Variants in ABCB5 observed in about 807,000 individuals in gnomAD.
ABCB5 encodes the protein ATP-binding cassette sub-family B member 5.
In ABCB5, 155 loss-of-function variants were observed where a neutral mutation model predicts 144.2. The ratio of observed to expected loss-of-function variants is 1.08; its 90% CI spans 0.94 to 1.23. The LOEUF (loss-of-function observed/expected upper bound fraction) is 1.23. Among genes scored for constraint, ABCB5 ranks in the 50% most tolerant of loss-of-function variants. ABCB5 has a pLI of 0.00. For synonymous variants in ABCB5, 610 were observed against 528.6 expected (o/e 1.15, Z -2.11); for missense variants, 1,830 against 1,520.8 (o/e 1.20, Z -3.38).
intron 23 of ABCB5, 109 bp from the exon 24 acceptor site, chr7:20,738,874 T>G: frequency 6.4e-6 from 8 of 1,256,212 alleles, no homozygotes; most frequent in Non-Finnish European, 7.4e-6. Flanking sequence ...GGGTGCCGTC[T>G]ACATCAAAAG....
At chr7:20,702,207 A>G (rs1562569048) in intron 19 of ABCB5, among the ~76,000 whole-genome samples, 1 of 152,224 alleles carries the variant, frequency 6.6e-6, no homozygotes, top group African/African-American at 2.4e-5. Flanking sequence ...ATTGTGTTTC[A>G]AAGTTAAGTT....
At position 20,736,703 on chromosome 7, in the gene ABCB5, A is replaced by G. The variant is rs117113007; in HGVS notation, c.2868-2280A>G. On this transcript the variant is annotated intron_variant, in intron 23 of 27. Coordinates refer to ENST00000404938, the MANE Select transcript of ABCB5 (RefSeq NM_001163941.2). ...CAGATTTGAAGGATATGGTTTAACTATGTTACGGAGTTACAGCACGGGTTA... is the reference window on the plus strand; with the variant it reads ...CAGATTTGAAGGATATGGTTTAACTGTGTTACGGAGTTACAGCACGGGTTA... Among the ~76,000 whole-genome samples, 75 of 152,332 alleles carry G rather than the reference A, an allele frequency of 4.9e-4. 2 individuals carry two copies. The East Asian group carries it at 0.014, about 27-fold the overall frequency.
intron 20 of ABCB5, among the ~76,000 whole-genome samples, chr7:20,721,878 C>T (rs1243529598): frequency 6.6e-5 from 10 of 152,136 alleles, no homozygotes; most frequent in Admixed American, 5.2e-4. Context: ...TTTTTACTCT[C>T]CGTGAAATAG....
At chr7:20,676,022 G>A (rs1220099342) in intron 14 of ABCB5, among the ~76,000 whole-genome samples, 1 of 151,764 alleles carries the variant, frequency 6.6e-6, no homozygotes, top group Non-Finnish European at 1.5e-5. Context: ...AAATAAATAA[G>A]TGTTGGTGAG....
chr7:20,697,746 T>C (rs1365406605), intron 16 of ABCB5, among the ~76,000 whole-genome samples: 1 of 152,186 alleles, frequency 6.6e-6, no homozygotes, highest in Non-Finnish European at 1.5e-5. Context: ...GTTTATTGTT[T>C]GCAAATACAG....
intron 5 of ABCB5, among the ~76,000 whole-genome samples, chr7:20,636,511 G>A (rs548196286): frequency 3.3e-5 from 5 of 151,906 alleles, no homozygotes; most frequent in African/African-American, 9.6e-5. Context: ...GAGACCAGCT[G>A]CAATGGCTCA....
chr7:20,716,014 C>A (rs1480356998), intron 20 of ABCB5, among the ~76,000 whole-genome samples: 1 of 152,058 alleles, frequency 6.6e-6, no homozygotes, highest in South Asian at 2.1e-4. Flanking sequence ...TGTGAGCCAC[C>A]GTGCCCAGCT....
intron 21 of ABCB5, among the ~76,000 whole-genome samples, chr7:20,724,197 G>C (rs978414864): frequency 2.9e-5 from 2 of 69,246 alleles, no homozygotes; most frequent in South Asian, 8.5e-4. Context: ...TTTTTTTCTT[G>C]TCTTATTTAT....
At chr7:20,705,364 C>T (rs1373814483) in intron 20 of ABCB5, among the ~76,000 whole-genome samples, 1 of 152,088 alleles carries the variant, frequency 6.6e-6, no homozygotes, top group Non-Finnish European at 1.5e-5. Flanking sequence ...TAATATGTAT[C>T]AAAGTCATGC....
intron 21 of ABCB5, among the ~76,000 whole-genome samples, chr7:20,726,681 C>G (rs1012486319): frequency 6.6e-6 from 1 of 152,036 alleles, no homozygotes; most frequent in South Asian, 2.1e-4. Flanking sequence ...CTATCTTTTA[C>G]TTGAATTGTT....
intron 21 of ABCB5, among the ~76,000 whole-genome samples, chr7:20,724,028 C>A (rs903381220): frequency 1.3e-5 from 2 of 152,114 alleles, no homozygotes; most frequent in Admixed American, 1.3e-4. Context: ...CTGACCCAAC[C>A]ATTAACCTGA....
In ABCB5 at chr7:20,651,713, A is replaced by G. The variant is rs1583395505; in HGVS notation, c.1536+90A>G. ...GGTAATGAAACAACAACTGATGCAG[A>G]ATAGTAGGGGTGTGATTAAATTCTG... is the stretch of plus-strand genomic sequence containing the variant. On this transcript the variant is annotated intron_variant, in intron 13 of 27. Coordinates refer to ENST00000404938, the MANE Select transcript of ABCB5 (RefSeq NM_001163941.2). 8 of 1,327,572 alleles carry G rather than the reference A, an allele frequency of 6.0e-6. No homozygotes were observed. The East Asian group carries it at 1.8e-4, about 31-fold the overall frequency. The allele number at this position is 1,327,572 out of a possible 1,614,324, so 82.2% of individuals were successfully genotyped here.
At chr7:20,704,841 G>A (rs753470570) in intron 20 of ABCB5, 34 bp downstream of exon 20, 2 of 1,550,290 alleles carry the variant, frequency 1.3e-6, no homozygotes, top group Non-Finnish European at 1.8e-6. Context: ...AATGATGTAT[G>A]TATGTGGTGT....
Position 20,722,099 on chromosome 7 carries a change from T to TA in ABCB5, c.2422-916dup, listed in dbSNP as rs753464446. Reference sequence around the variant, plus strand: ...ATAGTAAAAAATGCTTAACTAAAGATAGACTCTTTCTTTAGTTTTTTGTTA... The same window carrying TA: ...ATAGTAAAAAATGCTTAACTAAAGATAAGACTCTTTCTTTAGTTTTTTGTTA... On this transcript the variant is annotated intron_variant, in intron 20 of 27. Coordinates refer to ENST00000404938, the MANE Select transcript of ABCB5 (RefSeq NM_001163941.2). 4.6e-5 allele frequency among the ~76,000 whole-genome samples: 7 copies of TA among 152,328 alleles called. No homozygotes were observed. The South Asian group carries it at 8.3e-4, about 18-fold the overall frequency.
intron 14 of ABCB5, among the ~76,000 whole-genome samples, chr7:20,679,999 A>T (rs1364282992): frequency 6.6e-5 from 10 of 152,208 alleles, no homozygotes; most frequent in Non-Finnish European, 1.3e-4. Context: ...AAACTTAAAA[A>T]CTATCCAAAT....
chr7:20,733,805 A>T (rs1422103074), intron 23 of ABCB5, among the ~76,000 whole-genome samples: 5 of 151,904 alleles, frequency 3.3e-5, no homozygotes, highest in Non-Finnish European at 5.9e-5. Context: ...CACCTGGCTA[A>T]TTTCTGCATG....
At chr7:20,670,727 C>T (rs573605934) in intron 14 of ABCB5, among the ~76,000 whole-genome samples, 3 of 152,296 alleles carry the variant, frequency 2.0e-5, no homozygotes, top group South Asian at 4.1e-4. Context: ...CTGACCAACA[C>T]AGAGAAACCA....
intron 20 of ABCB5, among the ~76,000 whole-genome samples, chr7:20,707,139 C>G (rs1358746233): frequency 2.0e-5 from 3 of 152,130 alleles, no homozygotes; most frequent in Non-Finnish European, 2.9e-5. Flanking sequence ...TCATACTCAT[C>G]TCAATTTCTT....
chr7:20,667,591 T>C, intron 14 of ABCB5: 1 of 945,696 alleles, frequency 1.1e-6, no homozygotes. Flanking sequence ...TGTGAAATCA[T>C]TGAGCTAATG....
Sources: allele counts gnomAD v4.1 joint callset (sites outside exome capture counted in the v4.1 genomes callset), GRCh38; gene constraint gnomAD v4.1.1; transcripts MANE v1.5; gene names NCBI Gene and HGNC (gene_info 2026-07-23, HGNC 2026-07-21).